Variants in ACER3 observed in about 807,000 individuals in gnomAD.
ACER3 encodes the protein alkaline ceramidase 3, also known as alkCDase 3.
A neutral mutation model predicts 48.9 loss-of-function variants in ACER3; 16 were observed. The observed-to-expected ratio is 0.33, with a 90% CI of 0.22 to 0.50. The LOEUF (loss-of-function observed/expected upper bound fraction) is 0.50. ACER3 is among the 20% of genes least tolerant of loss of function. The probability of loss-of-function intolerance (pLI) is 0.98; values close to 1 mark genes in which losing one functional copy is unlikely to be tolerated. For missense variants in ACER3, 227 were observed against 326.0 expected, an observed-to-expected ratio of 0.70 and a Z score of 2.34; for synonymous variants, 109 against 107.8, an observed-to-expected ratio of 1.01 and a Z score of -0.07.
At chr11:77,014,547 A>G (rs1237312649) in intron 7 of ACER3, among the ~76,000 whole-genome samples, 1 of 152,164 alleles carries the variant, frequency 6.6e-6, no homozygotes, top group Admixed American at 6.5e-5. Context: ...GGAGCATATG[A>G]CTCAACCTAC....
At chr11:76,968,842 A>G (rs1948215376) in intron 3 of ACER3, among the ~76,000 whole-genome samples, 2 of 152,238 alleles carry the variant, frequency 1.3e-5, no homozygotes, top group South Asian at 2.1e-4. Flanking sequence ...TAAAAACCCT[A>G]GAAGAAAACC....
Position 76,864,596 on chromosome 11 carries a change from A to ATTT in ACER3, c.103+3536_103+3538dup, listed in dbSNP as rs772026324. On this transcript the variant is annotated intron_variant, in intron 1 of 10. Transcript: ENST00000532485. The stretch of plus-strand genomic sequence containing the variant: ...ACATAACTCATAATATGGAATGGGT[A>ATTT]TTTTTTTTTTTTTTTTTTTTTGAGG... 2.4e-4 allele frequency among the ~76,000 whole-genome samples: 24 copies of ATTT among 99,928 alleles called. 2 individuals are homozygous for ATTT. Among genetic ancestry groups the ATTT allele is most frequent in the African/African-American group, 4.0e-4 (12 of 29,710 alleles). 65.6% of individuals were successfully genotyped at this position (99,928 alleles called of 152,430 possible). A position where few individuals can be genotyped will look rare whatever the true frequency, so the allele number is the denominator to read the frequency against.
chr11:76,860,941 T>C lies in ACER3; in HGVS notation c.-36T>C. 2.0e-6 allele frequency: 3 copies of C among 1,472,934 alleles called. No homozygotes were observed. Among genetic ancestry groups the C allele is most frequent in the Non-Finnish European group, 2.7e-6 (3 of 1,097,514 alleles). The allele number at this position is 1,472,934 out of a possible 1,614,324, so 91.2% of individuals were successfully genotyped here. On this transcript the variant is annotated 5_prime_UTR_variant, in exon 1 of 11. Transcript: ENST00000532485. The stretch of plus-strand genomic sequence containing the variant: ...TGGTCGCCAGCCTAACCCGGCACAG[T>C]GAGCGGAGCGCCTGGGCGGCGGCGG...
intron 1 of ACER3, among the ~76,000 whole-genome samples, chr11:76,921,795 A>T (rs1017809426): frequency 5.3e-5 from 8 of 152,190 alleles, no homozygotes; most frequent in Non-Finnish European, 8.8e-5. Context: ...ATTGCAAATT[A>T]TATCTGTAAC....
chr11:76,912,750 T>G (rs1381113596), intron 1 of ACER3, among the ~76,000 whole-genome samples: 1 of 152,178 alleles, frequency 6.6e-6, no homozygotes, highest in African/African-American at 2.4e-5. Context: ...TTTTTTTGCA[T>G]GTATTAAGGC....
intron 1 of ACER3, among the ~76,000 whole-genome samples, chr11:76,917,618 AG>A (rs1451451257): frequency 6.6e-6 from 1 of 152,086 alleles, no homozygotes; most frequent in Non-Finnish European, 1.5e-5. Flanking sequence ...GCACTTTGGG[AG>A]GCCAAGGTGG....
intron 1 of ACER3, among the ~76,000 whole-genome samples, chr11:76,869,950 C>T (rs760383081): frequency 6.6e-6 from 1 of 152,160 alleles, no homozygotes; most frequent in Non-Finnish European, 1.5e-5. Flanking sequence ...TAGCCTTGAC[C>T]TCCTAGGCTT....
At chr11:76,881,254 C>CAAAAAAAAA (rs5792745) in intron 1 of ACER3, among the ~76,000 whole-genome samples, 1 of 116,526 alleles carries the variant, frequency 8.6e-6, no homozygotes. Flanking sequence ...GATAATGTCT[C>CAAAAAAAAA]AAAAAAAAAA....
chr11:76,983,240 T>C (rs888968970), intron 4 of ACER3, among the ~76,000 whole-genome samples: 4 of 134,820 alleles, frequency 3.0e-5, no homozygotes, highest in Non-Finnish European at 3.4e-5. Context: ...CAAGTGACTT[T>C]TTGTGATTTT....
At chr11:76,934,567 C>T (rs536897382) in intron 2 of ACER3, among the ~76,000 whole-genome samples, 5 of 152,362 alleles carry the variant, frequency 3.3e-5, no homozygotes, top group South Asian at 2.1e-4. Context: ...CGCCTGCAAT[C>T]GCAGGCACTC....
chr11:77,016,193 A>G (rs116973760), intron 8 of ACER3, among the ~76,000 whole-genome samples: 1,754 of 152,168 alleles, frequency 0.012, 16 homozygotes, highest in Non-Finnish European at 0.016. Context: ...GATATATCCA[A>G]CCAGATACAA....
intron 1 of ACER3, among the ~76,000 whole-genome samples, chr11:76,895,889 G>C (rs2134642751): frequency 6.6e-6 from 1 of 152,046 alleles, no homozygotes; most frequent in East Asian, 1.9e-4. Flanking sequence ...CCTTATAATA[G>C]AATACTATAT....
At chr11:76,874,088 A>G (rs1590864625) in intron 1 of ACER3, among the ~76,000 whole-genome samples, 1 of 152,322 alleles carries the variant, frequency 6.6e-6, no homozygotes, top group Non-Finnish European at 1.5e-5. Flanking sequence ...AAGGGACAGT[A>G]AAAGCATTTT....
chr11:76,967,540 C>T (rs1948171365), intron 3 of ACER3, among the ~76,000 whole-genome samples: 2 of 152,172 alleles, frequency 1.3e-5, no homozygotes, highest in African/African-American at 4.8e-5. Flanking sequence ...CAAAAATCCT[C>T]AATAAAATAC....
chr11:77,000,249 A>G (rs1360380342), intron 7 of ACER3, among the ~76,000 whole-genome samples: 1 of 152,136 alleles, frequency 6.6e-6, no homozygotes, highest in Non-Finnish European at 1.5e-5. Flanking sequence ...ATTTCTGCTC[A>G]TGTCTTTGCC....
intron 2 of ACER3, among the ~76,000 whole-genome samples, chr11:76,934,681 G>A (rs886111804): frequency 6.9e-6 from 1 of 144,840 alleles, no homozygotes; most frequent in South Asian, 2.1e-4. Flanking sequence ...CGTGGAAAGA[G>A]AGGGAGAGGG....
intron 2 of ACER3, among the ~76,000 whole-genome samples, chr11:76,927,728 C>T (rs1463657224): frequency 8.6e-5 from 13 of 151,758 alleles, no homozygotes; most frequent in Non-Finnish European, 1.8e-4. Context: ...TTTGGCCTTG[C>T]GATAGTTTGC....
intron 7 of ACER3, among the ~76,000 whole-genome samples, chr11:77,005,124 G>A (rs1411240494): frequency 6.8e-6 from 1 of 146,530 alleles, no homozygotes; most frequent in Admixed American, 7.1e-5. Context: ...TGCAAACTCC[G>A]CCTCCCGGGT....
intron 2 of ACER3, among the ~76,000 whole-genome samples, chr11:76,931,568 C>G (rs182826606): frequency 2.3e-4 from 35 of 152,284 alleles, no homozygotes; most frequent in South Asian, 8.3e-4. Context: ...CATTGATGGT[C>G]TTTACAATTT....
Sources: gnomAD v4.1 joint callset for allele counts (sites outside exome capture counted in the v4.1 genomes callset) on GRCh38, gnomAD v4.1.1 for gene constraint, MANE v1.5 for transcripts, NCBI Gene and HGNC (gene_info 2026-07-23, HGNC 2026-07-21) for gene names.